CTDSPL2: variants seen among roughly 807,000 people sequenced by gnomAD.
CTDSPL2 encodes CTD small phosphatase-like protein 2.
Under a neutral mutation model 60.0 loss-of-function variants are expected in CTDSPL2, and 5 were observed. The ratio of observed to expected loss-of-function variants is 0.08; its 90% CI spans 0.04 to 0.18. CTDSPL2 has a LOEUF of 0.18. Among genes scored for constraint, CTDSPL2 ranks in the 10% least tolerant of loss-of-function variants. The pLI is 1.00. For synonymous variants in CTDSPL2, 186 were observed against 189.3 expected, an observed-to-expected ratio of 0.98 and a Z score of 0.14; for missense variants, 370 against 548.8, an observed-to-expected ratio of 0.67 and a Z score of 3.26.
intron 1 of CTDSPL2, among the ~76,000 whole-genome samples, chr15:44,430,469 A>G (rs1310589977): frequency 6.6e-6 from 1 of 151,570 alleles, no homozygotes; most frequent in South Asian, 2.1e-4. Flanking sequence ...CTGCTTTGCA[A>G]CTCCTGGCTA....
chr15:44,519,067 C>A, intron 10 of CTDSPL2, 102 bp from the exon 11 acceptor site: 1 of 723,358 alleles, frequency 1.4e-6, no homozygotes, highest in Non-Finnish European at 2.0e-6. Context: ...GAGAGAAAAT[C>A]ATATGGCTTA....
At chr15:44,460,017 A>G (rs1595718928) in intron 2 of CTDSPL2, among the ~76,000 whole-genome samples, 1 of 152,212 alleles carries the variant, frequency 6.6e-6, no homozygotes, top group Non-Finnish European at 1.5e-5. Flanking sequence ...GAAGATAGTA[A>G]ATGGCACTGA....
intron 8 of CTDSPL2, among the ~76,000 whole-genome samples, chr15:44,508,194 T>C (rs538852812): frequency 6.6e-6 from 1 of 152,162 alleles, no homozygotes; most frequent in African/African-American, 2.4e-5. Context: ...GCAATTCTCC[T>C]GCCTCAGCCC....
At chr15:44,475,032 A>G (rs926596823) in intron 2 of CTDSPL2, among the ~76,000 whole-genome samples, 1 of 152,178 alleles carries the variant, frequency 6.6e-6, no homozygotes, top group Admixed American at 6.5e-5. Context: ...GTTTGTTACC[A>G]TGCATTCACA....
intron 5 of CTDSPL2, among the ~76,000 whole-genome samples, chr15:44,491,482 A>G (rs1261866805): frequency 2.0e-5 from 3 of 152,160 alleles, no homozygotes; most frequent in Non-Finnish European, 2.9e-5. Context: ...GCCAAACATA[A>G]TTATTGGGTT....
intron 3 of CTDSPL2, among the ~76,000 whole-genome samples, chr15:44,485,028 G>T (rs987914188): frequency 3.9e-5 from 6 of 152,028 alleles, no homozygotes; most frequent in African/African-American, 1.4e-4. Flanking sequence ...AGCTCAGAGG[G>T]GACTTGCATC....
chr15:44,490,978 C>G lies in CTDSPL2; in HGVS notation c.670C>G (p.Arg224Gly). 5 of 1,613,908 alleles carry G rather than the reference C, an allele frequency of 3.1e-6. No homozygotes were observed. Among genetic ancestry groups the G allele is most frequent in the Non-Finnish European group, 4.2e-6 (5 of 1,179,878 alleles). Residue 224 changes from arginine (R) to glycine (G), a missense_variant, in exon 5 of 13, where the codon CGT (arginine) becomes GGT (glycine). By Grantham distance (125) the Arg-to-Gly change is moderately radical. Transcript: ENST00000260327. ...GLEEAEETVN[R>G]DIPPLTAPVT... ...AGAAGAAGCAGAAGAAACAGTTAAT[C>G]GTGATATCCCACCCCTTACAGGTGA...
At chr15:44,471,861 CAT>C (rs1567079076) in intron 2 of CTDSPL2, among the ~76,000 whole-genome samples, 1 of 151,674 alleles carries the variant, frequency 6.6e-6, no homozygotes, top group East Asian at 1.9e-4. Flanking sequence ...TAAATGAAAC[CAT>C]AGTCTATTAT....
chr15:44,464,815 C>T (rs116890296), intron 2 of CTDSPL2, among the ~76,000 whole-genome samples: 2 of 152,178 alleles, frequency 1.3e-5, no homozygotes, highest in East Asian at 1.9e-4. Context: ...AGCGATTTCT[C>T]GTGCCTCAGC....
chr15:44,429,258 G>A (rs1020653987), intron 1 of CTDSPL2, among the ~76,000 whole-genome samples: 11 of 152,158 alleles, frequency 7.2e-5, no homozygotes, highest in African/African-American at 2.7e-4. Flanking sequence ...GGATTAAGTT[G>A]AGCTTCATAC....
intron 3 of CTDSPL2, 30 bp from the exon 4 acceptor site, chr15:44,486,521 A>G (rs1487661583): frequency 6.8e-7 from 1 of 1,475,490 alleles, no homozygotes; most frequent in East Asian, 2.4e-5. Flanking sequence ...TGTTTTCTAG[A>G]TCATGACTTT....
Position 44,527,935 on chromosome 15 carries a change from A to T in CTDSPL2, c.*3761A>T, listed in dbSNP as rs537036961. ...CCTGAGTTGAAAGCCTACGACAAAC[A>T]TGTATAAAATACATTTAAGAATTTT... On this transcript the variant is annotated 3_prime_UTR_variant, in exon 13 of 13. Coordinates refer to ENST00000260327, the MANE Select transcript of CTDSPL2 (RefSeq NM_016396.3). 3.9e-4 allele frequency: 59 copies of T among 152,346 alleles called. No homozygotes were observed. Among genetic ancestry groups the T allele is most frequent in the African/African-American group, 1.4e-3 (59 of 41,574 alleles). 9.4% of individuals were successfully genotyped at this position (152,346 alleles called of 1,614,324 possible).
At position 44,526,589 on chromosome 15, in the gene CTDSPL2, TTTTA is replaced by T. The variant is rs1285944192; in HGVS notation, c.*2419_*2422del. On this transcript the variant is annotated 3_prime_UTR_variant, in exon 13 of 13. Transcript: ENST00000260327. ...CAAATTAATATATTTTTCTTTGTTA[TTTTA>T]TTTGAGTCATTTTAAATTTGTTAAT... is the stretch of plus-strand genomic sequence containing the variant. 5 of 152,156 alleles carry T rather than the reference TTTTA, an allele frequency of 3.3e-5. No homozygotes were observed. The highest frequency in any genetic ancestry group is 7.4e-5 in the Non-Finnish European group (5 of 67,986). 9.4% of individuals were successfully genotyped at this position (152,156 alleles called of 1,614,324 possible).
At chr15:44,454,555 T>G (rs2140678236) in intron 1 of CTDSPL2, among the ~76,000 whole-genome samples, 1 of 152,324 alleles carries the variant, frequency 6.6e-6, no homozygotes, top group Non-Finnish European at 1.5e-5. Flanking sequence ...TTTTTATGGT[T>G]TTAGGTTTAA....
chr15:44,491,021 A>G (rs1160662977), intron 5 of CTDSPL2, 22 bp downstream of exon 5: 3 of 1,536,726 alleles, frequency 2.0e-6, no homozygotes, highest in Non-Finnish European at 2.7e-6. Flanking sequence ...TTCTTTTCTT[A>G]TACATCTTCA....
chr15:44,525,571 A>T lies in CTDSPL2; in HGVS notation c.*1397A>T. On this transcript the variant is annotated 3_prime_UTR_variant, in exon 13 of 13. Transcript: ENST00000260327. Reference sequence around the variant, plus strand: ...TCTAAAGAGAAGTTTGATATTTTGTATGCTTGTTAAGAAAGTACAGTATTG... The same window carrying T: ...TCTAAAGAGAAGTTTGATATTTTGTTTGCTTGTTAAGAAAGTACAGTATTG... 2 of 398,408 alleles carry T rather than the reference A, an allele frequency of 5.0e-6. No homozygotes were observed. The highest frequency in any genetic ancestry group is 8.9e-6 in the Non-Finnish European group (2 of 225,630). The allele number at this position is 398,408 out of a possible 1,614,324, so 24.7% of individuals were successfully genotyped here.
intron 1 of CTDSPL2, among the ~76,000 whole-genome samples, chr15:44,431,191 G>T (rs1350826915): frequency 3.3e-5 from 5 of 151,234 alleles, no homozygotes; most frequent in African/African-American, 1.2e-4. Context: ...AAACTCCTAG[G>T]CTCAAGTGAT....
intron 5 of CTDSPL2, 93 bp from the exon 6 acceptor site, chr15:44,496,287 G>C (rs1463659635): frequency 8.2e-6 from 7 of 851,570 alleles, no homozygotes; most frequent in Non-Finnish European, 9.5e-6. Flanking sequence ...AATACACAAG[G>C]CTTTAGGAAG....
At chr15:44,442,774 G>C (rs1261840149) in intron 1 of CTDSPL2, among the ~76,000 whole-genome samples, 3 of 151,958 alleles carry the variant, frequency 2.0e-5, no homozygotes, top group Non-Finnish European at 4.4e-5. Flanking sequence ...CCAGGAGTTT[G>C]AGACCACCCT....
Sources: allele counts gnomAD v4.1 joint callset (sites outside exome capture counted in the v4.1 genomes callset), GRCh38; gene constraint gnomAD v4.1.1; transcripts MANE v1.5; gene names NCBI Gene and HGNC (gene_info 2026-07-23, HGNC 2026-07-21).